FKRP: variants seen among roughly 807,000 people sequenced by gnomAD.
FKRP encodes fukutin related protein, also known as ribitol 5-phosphate transferase FKRP.
In FKRP, 25 loss-of-function variants were observed where a neutral mutation model predicts 30.6. That is an observed-to-expected ratio of 0.82 (90% CI 0.60 to 1.14). FKRP has a LOEUF of 1.14. FKRP is among the 50% of genes most tolerant of loss of function. The pLI, the probability that FKRP is intolerant of heterozygous loss-of-function variation, is 0.00. For missense variants in FKRP, 771 were observed against 727.8 expected (o/e 1.06, Z -0.68); for synonymous variants, 358 against 342.5 (o/e 1.05, Z -0.50).
At chr19:46,749,162 A>T (rs1190118608) in intron 3 of FKRP, among the ~76,000 whole-genome samples, 5 of 152,152 alleles carry the variant, frequency 3.3e-5, no homozygotes, top group African/African-American at 9.7e-5. Context: ...TACTGAGTTG[A>T]ATTAATTTAT....
upstream of FKRP, among the ~76,000 whole-genome samples, chr19:46,744,960 A>T (rs576857604): frequency 4.7e-4 from 71 of 151,896 alleles, 1 homozygote; most frequent in African/African-American, 1.7e-3. Context: ...TCCATTCAAC[A>T]TCCCTGTCCC....
rs1555739321 is a variant in FKRP at position 46,756,916 on chromosome 19, T to G, written c.1466T>G (p.Leu489Arg). Residue 489 changes from leucine to arginine, a missense_variant, in exon 4 of 4, where the codon CTG becomes CGG. By Grantham distance (102) the Leu-to-Arg change is moderately radical. Coordinates refer to ENST00000318584, the MANE Select transcript of FKRP (RefSeq NM_024301.5). The surrounding 1 kb of genome is among the most constrained non-coding windows in gnomAD (Gnocchi z 6.6). ...CCCCAGTACCCCAACCCGGCACTGC[T>G]GAGTCTGACGGGAAGCGGCTGAAGC... ...ENPQYPNPAL[L>R]SLTGSG 3 of 1,613,072 alleles carry G rather than the reference T, an allele frequency of 1.9e-6. No individual in the cohort carries two copies. Among genetic ancestry groups the G allele is most frequent in the Non-Finnish European group, 2.5e-6 (3 of 1,179,978 alleles).
upstream of FKRP, chr19:46,746,017 C>T: frequency 1.7e-6 from 2 of 1,160,268 alleles, no homozygotes; most frequent in East Asian, 3.4e-5. Context: ...CCGGGACCGT[C>T]GCGGTCCCCT....
rs2054592600 is a variant in FKRP at position 46,746,094 on chromosome 19, A to G, written c.-253+4A>G. On this transcript the variant is annotated splice_donor_region_variant and intron_variant, in intron 1 of 3. Transcript: ENST00000318584. Reference sequence around the variant, plus strand: ...ATGGCGGCGGCGGCGGCAGCGGGTGAGGCCGGGCCGGGCCGGGCCGGGTTG... The same window carrying G: ...ATGGCGGCGGCGGCGGCAGCGGGTGGGGCCGGGCCGGGCCGGGCCGGGTTG... The G allele has an allele frequency of 5.6e-6, 7 of 1,244,332 alleles. No individual in the cohort carries two copies. Among genetic ancestry groups the G allele is most frequent in the Non-Finnish European group, 5.1e-6 (5 of 985,856 alleles). The allele number at this position is 1,244,332 out of a possible 1,614,324, so 77.1% of individuals were successfully genotyped here.
At chr19:46,744,973 GC>G (rs2054549925), upstream of FKRP, among the ~76,000 whole-genome samples, 1 of 151,954 alleles carries the variant, frequency 6.6e-6, no homozygotes, top group Non-Finnish European at 1.5e-5. Context: ...CCTGTCCCAA[GC>G]TACCCCAAAA....
At chr19:46,746,031 GC>G (rs1272490498), upstream of FKRP, 5 of 1,142,594 alleles carry the variant, frequency 4.4e-6, no homozygotes, top group East Asian at 3.7e-5. Flanking sequence ...GTCCCCTCCC[GC>G]CCCCCCGCCG....
chr19:46,751,555 A>ATT lies in FKRP; in HGVS notation c.-40+2910_-40+2911dup, dbSNP rs1226341140. ...CACCATGCCCAGCTAACTTTTTTGTATTTTTTTTTTTTTTTTTTTTTGAGA... is the reference window on the plus strand; with the variant it reads ...CACCATGCCCAGCTAACTTTTTTGTATTTTTTTTTTTTTTTTTTTTTTTGAGA... On this transcript the variant is annotated intron_variant, in intron 3 of 3. Coordinates refer to ENST00000318584, the MANE Select transcript of FKRP (RefSeq NM_024301.5). Among the ~76,000 whole-genome samples, 426 of 87,898 alleles carry ATT rather than the reference A, an allele frequency of 4.8e-3. 10 individuals carry two copies. The highest frequency in any genetic ancestry group is 0.015 in the African/African-American group (349 of 23,092). The allele number at this position is 87,898 out of a possible 152,430, so 57.7% of individuals were successfully genotyped here.
Position 46,757,278 on chromosome 19 carries a change from C to G in FKRP, c.*340C>G, listed in dbSNP as rs2054947529. ...CCCCAGACCCGAAAAAAGTGTTCTGCCCAAGATTCCGAGAGCCCTGCGCTC... is the reference window on the plus strand; with the variant it reads ...CCCCAGACCCGAAAAAAGTGTTCTGGCCAAGATTCCGAGAGCCCTGCGCTC... On this transcript the variant is annotated 3_prime_UTR_variant, in exon 4 of 4. Transcript: ENST00000318584. 1 of 425,418 alleles carries G rather than the reference C, an allele frequency of 2.4e-6. No individual in the cohort carries two copies. Among genetic ancestry groups the G allele is most frequent in the Non-Finnish European group, 4.6e-6 (1 of 218,814 alleles). The allele number at this position is 425,418 out of a possible 1,614,324, so 26.4% of individuals were successfully genotyped here.
chr19:46,746,496 C>CG, intron 1 of FKRP: 1 of 750,854 alleles, frequency 1.3e-6, no homozygotes, highest in Non-Finnish European at 1.5e-6. Flanking sequence ...CGCCAACACC[C>CG]CCCCCCCTCC....
intron 3 of FKRP, among the ~76,000 whole-genome samples, chr19:46,751,282 T>C (rs1229040848): frequency 6.6e-6 from 1 of 152,096 alleles, no homozygotes; most frequent in Middle Eastern, 3.2e-3. Flanking sequence ...CAGGCTGATC[T>C]GAAACTCCTG....
In FKRP at chr19:46,755,622, G is replaced by A. The variant is rs751506122; in HGVS notation, c.172G>A (p.Ala58Thr). The A allele has an allele frequency of 3.1e-6, 5 of 1,603,914 alleles. No homozygotes were observed. The highest frequency in any genetic ancestry group is 4.5e-5 in the East Asian group (2 of 44,608). Residue 58 changes from alanine to threonine, a missense_variant, in exon 4 of 4, where the codon GCA (alanine) becomes ACA (threonine). Physicochemically the swap from Ala to Thr is moderately conservative, Grantham distance 58. Transcript: ENST00000318584. ...CACCGTCCTGGTGCGGGAGTTCGAG[G>A]CATTTGACAACGCGGTGCCCGAGCT... The part of the protein sequence containing the change: ...RVTVLVREFE[A>T]FDNAVPELVD...
At position 46,756,084 on chromosome 19, in the gene FKRP, G is replaced by C; in HGVS notation, c.634G>C (p.Ala212Pro). Residue 212 changes from alanine (A) to proline (P), a missense_variant, in exon 4 of 4, where the codon GCG becomes CCG. By Grantham distance (27) the Ala-to-Pro change is conservative. Coordinates refer to ENST00000318584, the MANE Select transcript of FKRP (RefSeq NM_024301.5). This position sits in a 1 kb window ranked among gnomAD's most constrained non-coding sequence, Gnocchi z 6.6. The part of the protein sequence containing the change: ...LRARDLFNLS[A>P]PLARPVGTSL... ...CGCCCGCGACCTCTTCAACCTCTCG[G>C]CGCCCCTGGCCCGGCCGGTGGGCAC... 6.4e-7 allele frequency: 1 copy of C among 1,551,264 alleles called. No individual in the cohort carries two copies. The highest frequency in any genetic ancestry group is 1.4e-5 in the African/African-American group (1 of 70,800).
At position 46,756,840 on chromosome 19, in the gene FKRP, A is replaced by G; in HGVS notation, c.1390A>G (p.Asn464Asp). 3.7e-6 allele frequency: 6 copies of G among 1,601,854 alleles called. No individual in the cohort carries two copies. The highest frequency in any genetic ancestry group is 2.6e-6 in the Non-Finnish European group (3 of 1,174,666). Reference protein sequence around the residue: ...FAGFVAQAPNNYRRFLELKFG... With the variant: ...FAGFVAQAPNDYRRFLELKFG... ...CGGCTTCGTGGCGCAGGCGCCTAAC[A>G]ACTACCGCCGCTTCCTGGAGCTCAA... Residue 464 changes from asparagine to aspartate, a missense_variant, in exon 4 of 4, where the codon AAC becomes GAC. Coordinates refer to ENST00000318584, the MANE Select transcript of FKRP (RefSeq NM_024301.5). This position sits in a 1 kb window ranked among gnomAD's most constrained non-coding sequence, Gnocchi z 6.6.
intron 1 of FKRP, 40 bp downstream of exon 1, chr19:46,746,130 G>A (rs2122470385): frequency 2.0e-6 from 3 of 1,492,988 alleles, no homozygotes; most frequent in South Asian, 1.2e-5. Context: ...GGGGTCGGGG[G>A]TCCCGGGACA....
chr19:46,752,010 C>A (rs1226493328), intron 3 of FKRP, among the ~76,000 whole-genome samples: 4 of 152,168 alleles, frequency 2.6e-5, no homozygotes, highest in Non-Finnish European at 4.4e-5. Context: ...AGGCAACAGG[C>A]AGTTCTGCAG....
chr19:46,751,978 T>G (rs1296275083), intron 3 of FKRP, among the ~76,000 whole-genome samples: 1 of 152,134 alleles, frequency 6.6e-6, no homozygotes, highest in Non-Finnish European at 1.5e-5. Context: ...TGTGGCTATC[T>G]GGGATAAGAA....
At chr19:46,755,368 T>G (rs1448017445) in intron 3 of FKRP, 44 bp from the exon 4 acceptor site, 1 of 1,297,628 alleles carries the variant, frequency 7.7e-7, no homozygotes, top group African/African-American at 1.5e-5. Flanking sequence ...AGGGGGTGGT[T>G]CTGACAATCA....
chr19:46,746,134 C>G (rs770147043), intron 1 of FKRP, 44 bp downstream of exon 1: 2 of 1,494,262 alleles, frequency 1.3e-6, no homozygotes, highest in East Asian at 5.8e-5. Flanking sequence ...TCGGGGGTCC[C>G]GGGACAGCGC....
Position 46,756,188 on chromosome 19 carries a change from C to G in FKRP, c.738C>G (p.Pro246=). Residue 246 remains proline (P), a synonymous_variant, in exon 4 of 4, where the codon CCC becomes CCG. Transcript: ENST00000318584. This position sits in a 1 kb window ranked among gnomAD's most constrained non-coding sequence, Gnocchi z 6.6. ...TGACCTTCGCCGCGGCGCGCCAGCC[C>G]CCGCTGGCCACGGCCCACGCGCGCT... ...LDLTFAAARQ[P]PLATAHARWK... 2 of 1,437,648 alleles carry G rather than the reference C, an allele frequency of 1.4e-6. No individual in the cohort carries two copies. Among genetic ancestry groups the G allele is most frequent in the South Asian group, 1.4e-5 (1 of 73,518 alleles). The allele number at this position is 1,437,648 out of a possible 1,614,324, so 89.1% of individuals were successfully genotyped here.
Sources: gnomAD v4.1 joint callset for allele counts (sites outside exome capture counted in the v4.1 genomes callset) on GRCh38, gnomAD v4.1.1 for gene constraint, Gnocchi (gnomAD v3.1) non-coding constraint, MANE v1.5 for transcripts, NCBI Gene and HGNC (gene_info 2026-07-23, HGNC 2026-07-21) for gene names.